Variants in GSN observed in about 807,000 individuals in gnomAD.
GSN encodes the protein actin-depolymerizing factor.
In GSN, 56 loss-of-function variants were observed where a neutral mutation model predicts 85.7. That is an observed-to-expected ratio of 0.65 (90% CI 0.53 to 0.82). GSN has a LOEUF of 0.82. Ranked by LOEUF, GSN falls within the 40% of genes least tolerant of loss-of-function variation. The pLI, the probability that GSN is intolerant of heterozygous loss-of-function variation, is 0.00. For missense variants in GSN, 857 were observed against 979.8 expected (o/e 0.87, Z 1.67); for synonymous variants, 373 against 399.1 (o/e 0.93, Z 0.78).
intron 6 of GSN, among the ~76,000 whole-genome samples, chr9:121,248,559 A>G (rs80140349): frequency 6.6e-6 from 1 of 152,092 alleles, no homozygotes; most frequent in Non-Finnish European, 1.5e-5. Flanking sequence ...TTGAAAATAC[A>G]TGAGATCTGG....
At chr9:121,311,246 C>T (rs1318170799) in intron 5 of GSN, 3 of 287,048 alleles carry the variant, frequency 1.0e-5, no homozygotes, top group Admixed American at 9.6e-5. Flanking sequence ...GTATGTCATA[C>T]ATGTAGTTGC....
At chr9:121,252,113 G>A (rs1407250199) in intron 6 of GSN, among the ~76,000 whole-genome samples, 1 of 152,194 alleles carries the variant, frequency 6.6e-6, no homozygotes, top group African/African-American at 2.4e-5. Context: ...TAGAACTTAA[G>A]TGTTGATGGG....
In GSN at chr9:121,247,063, A is replaced by G. The variant is rs150839474; in HGVS notation, c.-388-1213A>G. On this transcript the variant is annotated intron_variant, in intron 5 of 24. Transcript: ENST00000373823. ...GTCAGGCCAGATCATGAGATCATGA[A>G]TGGGTGCAAAAATTGCTGAGAATGA... Among the ~76,000 whole-genome samples, 5 of 152,292 alleles carry G rather than the reference A, an allele frequency of 3.3e-5. No homozygotes were observed. The East Asian group carries it at 9.6e-4, about 29-fold the overall frequency.
chr9:121,328,927 A>G lies in GSN; in HGVS notation c.1799A>G (p.Tyr600Cys). ...GAGGCCCTGGGCGGGAAGGCTGCCT[A>G]CCGCACATCCCCACGGCTGAAGGAC... ...FWEALGGKAA[Y>C]RTSPRLKDKK... Residue 600 changes from tyrosine to cysteine, a missense_variant, in exon 15 of 18, where the codon TAC (tyrosine) becomes TGC (cysteine). By Grantham distance (194) the Tyr-to-Cys change is radical (BLOSUM62 -2). Coordinates refer to ENST00000432226, the MANE Select transcript of GSN (RefSeq NM_198252.3). 1.2e-6 allele frequency: 2 copies of G among 1,613,430 alleles called. No individual in the cohort carries two copies. The highest frequency in any genetic ancestry group is 1.7e-6 in the Non-Finnish European group (2 of 1,179,972).
chr9:121,263,979 C>G (rs2055144409), upstream of GSN, among the ~76,000 whole-genome samples: 1 of 151,798 alleles, frequency 6.6e-6, no homozygotes, highest in Admixed American at 6.6e-5. Context: ...CCAATCACCT[C>G]CCTTCCACCA....
intron 2 of GSN, among the ~76,000 whole-genome samples, chr9:121,296,791 G>A (rs2059262004): frequency 6.6e-6 from 1 of 152,208 alleles, no homozygotes; most frequent in Non-Finnish European, 1.5e-5. Flanking sequence ...CCACTCATCA[G>A]TGCCCTGTAG....
At chr9:121,315,380 G>A (rs1331788967) in intron 7 of GSN, among the ~76,000 whole-genome samples, 1 of 152,192 alleles carries the variant, frequency 6.6e-6, no homozygotes, top group African/African-American at 2.4e-5. Context: ...CCCTCTTGGT[G>A]CACTTGTGCT....
chr9:121,237,683 T>G (rs2054523235), intron 5 of GSN, among the ~76,000 whole-genome samples: 2 of 152,208 alleles, frequency 1.3e-5, no homozygotes, highest in South Asian at 4.1e-4. Context: ...TTGGCTCTTT[T>G]GAAAGGAGTC....
chr9:121,209,175 G>A (rs2053929679), intron 1 of GSN: 1 of 152,252 alleles, frequency 6.6e-6, no homozygotes, highest in Admixed American at 6.5e-5. Flanking sequence ...GGGCTGCAAA[G>A]ACTAGGGCAG....
At position 121,332,472 on chromosome 9, in the gene GSN, C is replaced by G; in HGVS notation, c.2065C>G (p.Arg689Gly). ...YIETDPANRDRRTPITVVKQG... is the reference protein window; with the variant it reads ...YIETDPANRDGRTPITVVKQG... Reference sequence around the variant, plus strand: ...CGAGACGGACCCAGCCAATCGGGATCGGCGGACGCCCATCACCGTGGTGAA... The same window carrying G: ...CGAGACGGACCCAGCCAATCGGGATGGGCGGACGCCCATCACCGTGGTGAA... Residue 689 changes from arginine (R) to glycine (G), a missense_variant, in exon 18 of 18, where the codon CGG becomes GGG. Physicochemically the swap from Arg to Gly is moderately radical, Grantham distance 125 (BLOSUM62 -2). Coordinates refer to ENST00000432226, the MANE Select transcript of GSN (RefSeq NM_198252.3). This position sits in a 1 kb window ranked among gnomAD's most constrained non-coding sequence, Gnocchi z 4.8. The G allele has an allele frequency of 9.9e-6, 16 of 1,613,942 alleles. No individual in the cohort carries two copies. Among genetic ancestry groups the G allele is most frequent in the Non-Finnish European group, 1.4e-5 (16 of 1,179,810 alleles).
Position 121,299,812 on chromosome 9 carries a change from G to C in GSN, c.-9-2151G>C. The C allele has an allele frequency of 7.7e-7, 1 of 1,295,394 alleles. No individual in the cohort carries two copies. The highest frequency in any genetic ancestry group is 9.9e-7 in the Non-Finnish European group (1 of 1,015,090). The allele number at this position is 1,295,394 out of a possible 1,614,324, so 80.2% of individuals were successfully genotyped here. ...ATGGGCGGGCGGCTACTTAAGGTCGGCGACCCGAGGCCGCGGCTGCCGACT... is the reference window on the plus strand; with the variant it reads ...ATGGGCGGGCGGCTACTTAAGGTCGCCGACCCGAGGCCGCGGCTGCCGACT... On this transcript the variant is annotated intron_variant, in intron 2 of 17. Transcript: ENST00000432226. The surrounding 1 kb of genome is among the most constrained non-coding windows in gnomAD (Gnocchi z 4.2).
chr9:121,208,366 A>T (rs561673736), intron 1 of GSN, among the ~76,000 whole-genome samples: 1 of 152,296 alleles, frequency 6.6e-6, no homozygotes, highest in East Asian at 1.9e-4. Context: ...CTTCTTGAGT[A>T]CCTGCTTAGA....
intron 4 of GSN, among the ~76,000 whole-genome samples, chr9:121,212,768 C>T (rs551433447): frequency 1.3e-5 from 2 of 151,888 alleles, no homozygotes; most frequent in South Asian, 2.1e-4. Context: ...CTCAGACTCC[C>T]GAGCAGCTGG....
chr9:121,327,575 C>T, intron 14 of GSN, 93 bp downstream of exon 14: 1 of 1,019,020 alleles, frequency 9.8e-7, no homozygotes, highest in Middle Eastern at 3.2e-4. Context: ...AAATCCTCCC[C>T]TCCATCCCAC....
chr9:121,234,664 G>A (rs2054458009), intron 5 of GSN, among the ~76,000 whole-genome samples: 1 of 152,186 alleles, frequency 6.6e-6, no homozygotes, highest in Admixed American at 6.5e-5. Context: ...GAGGCACGAA[G>A]GGCAGGGAAA....
chr9:121,266,597 T>C (rs1007707724), upstream of GSN, among the ~76,000 whole-genome samples: 1 of 152,108 alleles, frequency 6.6e-6, no homozygotes, highest in Admixed American at 6.5e-5. Context: ...ACATAAGACA[T>C]TGAGCAAAGA....
At chr9:121,230,419 G>T (rs1008476582) in intron 4 of GSN, among the ~76,000 whole-genome samples, 1 of 152,216 alleles carries the variant, frequency 6.6e-6, no homozygotes, top group Admixed American at 6.5e-5. Flanking sequence ...AGCTGTCTGC[G>T]CACAGAGCTT....
At chr9:121,317,001 AG>A in intron 7 of GSN, 84 bp from the exon 8 acceptor site, 4 of 1,569,752 alleles carry the variant, frequency 2.5e-6, no homozygotes, top group Non-Finnish European at 2.6e-6. Flanking sequence ...CATTTGGGAC[AG>A]GGGGTGGGGC....
intron 2 of GSN, chr9:121,282,588 C>A (rs2057520673): frequency 1.2e-5 from 13 of 1,088,598 alleles, no homozygotes; most frequent in African/African-American, 1.6e-5. Context: ...GATGTTGTGC[C>A]CCAAAAGCCA....
Sources: gnomAD v4.1 joint callset for allele counts (sites outside exome capture counted in the v4.1 genomes callset) on GRCh38, gnomAD v4.1.1 for gene constraint, Gnocchi (gnomAD v3.1) non-coding constraint, MANE v1.5 for transcripts, NCBI Gene and HGNC (gene_info 2026-07-23, HGNC 2026-07-21) for gene names.